The following SDHAF3 variants were observed in gnomAD, a reference collection of about 807,000 sequenced individuals.
SDHAF3 encodes the protein succinate dehydrogenase assembly factor 3, mitochondrial.
In SDHAF3, 18 loss-of-function variants were observed where a neutral mutation model predicts 11.5. The ratio of observed to expected loss-of-function variants is 1.56; its 90% CI spans 1.08 to 2.32. SDHAF3 has a LOEUF of 2.32. Among genes scored for constraint, SDHAF3 ranks in the 30% most tolerant of loss-of-function variants. The pLI is 0.00. For synonymous variants in SDHAF3, 72 were observed against 59.3 expected (o/e 1.21, Z -0.99); for missense variants, 200 against 154.4 (o/e 1.30, Z -1.57).
chr7:97,140,920 G>A (rs1398007011), intron 1 of SDHAF3, among the ~76,000 whole-genome samples: 4 of 152,212 alleles, frequency 2.6e-5, no homozygotes, highest in Admixed American at 2.0e-4. Context: ...TGAGCCGGGC[G>A]GAACAGAGCC....
intron 1 of SDHAF3, among the ~76,000 whole-genome samples, chr7:97,149,461 C>CTT (rs1393679309): frequency 6.6e-6 from 1 of 151,980 alleles, no homozygotes; most frequent in East Asian, 1.9e-4. Flanking sequence ...GGCAAAACCA[C>CTT]TGTAGTAGGA....
At chr7:97,168,875 A>G (rs1789557596) in intron 1 of SDHAF3, among the ~76,000 whole-genome samples, 1 of 152,112 alleles carries the variant, frequency 6.6e-6, no homozygotes, top group African/African-American at 2.4e-5. Flanking sequence ...TGAGTAAGCT[A>G]TCTTATTTGT....
At chr7:97,164,778 A>G (rs1046645411) in intron 1 of SDHAF3, among the ~76,000 whole-genome samples, 4 of 152,186 alleles carry the variant, frequency 2.6e-5, no homozygotes, top group African/African-American at 9.7e-5. Context: ...GGAGATTTGA[A>G]GTGAAACTGA....
At chr7:97,163,431 C>T (rs980983030) in intron 1 of SDHAF3, among the ~76,000 whole-genome samples, 37 of 152,268 alleles carry the variant, frequency 2.4e-4, no homozygotes, top group African/African-American at 1.2e-4. Flanking sequence ...TGAGCCACTG[C>T]GCCTGGCCTA....
In SDHAF3 at chr7:97,117,765, G is replaced by C; in HGVS notation, c.42G>C (p.Lys14Asn). ...RHVSRVRALY[K>N]RVLQLHRVLP... ...TTTCTCGAGTCCGGGCATTGTACAAGCGCGTCTTGCAGCTGCACCGTGTTC... is the reference window on the plus strand; with the variant it reads ...TTTCTCGAGTCCGGGCATTGTACAACCGCGTCTTGCAGCTGCACCGTGTTC... The change falls in exon 1 of 2, where the codon AAG becomes AAC. Residue 14 changes from lysine (K) to asparagine (N), a missense_variant. Physicochemically the swap from Lys to Asn is moderately conservative, Grantham distance 94. Coordinates refer to ENST00000432641, the MANE Select transcript of SDHAF3 (RefSeq NM_020186.3). The C allele has an allele frequency of 6.2e-7, 1 of 1,614,160 alleles. No individual in the cohort carries two copies.
intron 1 of SDHAF3, among the ~76,000 whole-genome samples, chr7:97,170,021 T>A (rs1454435570): frequency 6.6e-6 from 1 of 152,148 alleles, no homozygotes; most frequent in East Asian, 1.9e-4. Context: ...GTTAAACTTA[T>A]TTTCTTGCTA....
chr7:97,138,337 G>A (rs777598014), intron 1 of SDHAF3, among the ~76,000 whole-genome samples: 14 of 151,516 alleles, frequency 9.2e-5, no homozygotes, highest in Admixed American at 2.6e-4. Context: ...TTTTTTGTGC[G>A]TTTTTAGTAG....
intron 1 of SDHAF3, among the ~76,000 whole-genome samples, chr7:97,151,646 T>G (rs551906365): frequency 6.6e-6 from 1 of 151,780 alleles, no homozygotes; most frequent in African/African-American, 2.4e-5. Context: ...CTACAGGCGC[T>G]TGCCACCATG....
intron 1 of SDHAF3, among the ~76,000 whole-genome samples, chr7:97,168,911 A>G (rs1349406487): frequency 2.0e-5 from 3 of 152,182 alleles, no homozygotes; most frequent in Non-Finnish European, 4.4e-5. Context: ...GATTACAGAT[A>G]TGTAGACTCT....
intron 1 of SDHAF3, among the ~76,000 whole-genome samples, chr7:97,170,445 T>C (rs1789588126): frequency 1.3e-5 from 2 of 152,202 alleles, no homozygotes; most frequent in South Asian, 4.1e-4. Flanking sequence ...AATGCTATTA[T>C]TGTTTCTGGG....
rs369984787 is a variant in SDHAF3, at chr7:97,141,987, T to C, written c.174+24090T>C. On this transcript the variant is annotated intron_variant, in intron 1 of 1. Coordinates refer to ENST00000432641, the MANE Select transcript of SDHAF3 (RefSeq NM_020186.3). ...ATTATTTTTTGACAAAGACCAAATA[T>C]GCTAATTACCACAGCTGGATAAAAA... Among the ~76,000 whole-genome samples, 24 of 151,606 alleles carry C rather than the reference T, an allele frequency of 1.6e-4. No individual in the cohort carries two copies. The East Asian group carries it at 1.8e-3, about 11-fold the overall frequency.
intron 1 of SDHAF3, among the ~76,000 whole-genome samples, chr7:97,169,759 T>C (rs1002281089): frequency 6.6e-6 from 1 of 152,076 alleles, no homozygotes; most frequent in Non-Finnish European, 1.5e-5. Flanking sequence ...AAGAAAAAAT[T>C]ATAGTTTTGA....
intron 1 of SDHAF3, among the ~76,000 whole-genome samples, chr7:97,178,491 A>G (rs188123671): frequency 3.9e-5 from 6 of 152,268 alleles, no homozygotes; most frequent in Admixed American, 6.5e-5. Flanking sequence ...CTCATTATCA[A>G]TGTATGAGGA....
chr7:97,158,116 A>G (rs1234290559), intron 1 of SDHAF3, among the ~76,000 whole-genome samples: 1 of 102,062 alleles, frequency 9.8e-6, no homozygotes, highest in Non-Finnish European at 2.6e-5. Context: ...TGCACAGGTT[A>G]ACTTAAAGTA....
At chr7:97,169,438 CACTT>C (rs1328366166) in intron 1 of SDHAF3, among the ~76,000 whole-genome samples, 9 of 152,162 alleles carry the variant, frequency 5.9e-5, no homozygotes. Flanking sequence ...TGATGTAACT[CACTT>C]GATGTTATAA....
chr7:97,172,260 C>T (rs1190860059), intron 1 of SDHAF3, among the ~76,000 whole-genome samples: 1 of 152,086 alleles, frequency 6.6e-6, no homozygotes, highest in African/African-American at 2.4e-5. Context: ...TGACCTTGTT[C>T]TTTTTAACTA....
At chr7:97,145,903 T>G (rs1034144255) in intron 1 of SDHAF3, among the ~76,000 whole-genome samples, 2 of 152,156 alleles carry the variant, frequency 1.3e-5, no homozygotes, top group African/African-American at 4.8e-5. Context: ...TTTCCCAGTC[T>G]TGGAAGGCAG....
intron 1 of SDHAF3, chr7:97,136,501 C>CT (rs572203987): frequency 2.6e-4 from 157 of 596,432 alleles, no homozygotes; most frequent in South Asian, 6.1e-4. Flanking sequence ...TTTAGTTCCA[C>CT]TTTTTTTTAA....
At chr7:97,139,258 A>G (rs1788989890) in intron 1 of SDHAF3, among the ~76,000 whole-genome samples, 1 of 152,206 alleles carries the variant, frequency 6.6e-6, no homozygotes, top group Admixed American at 6.5e-5. Context: ...AACAGTTCTC[A>G]GTGGAGAGGG....
Sources: allele counts gnomAD v4.1 joint callset (sites outside exome capture counted in the v4.1 genomes callset), GRCh38; gene constraint gnomAD v4.1.1; transcripts MANE v1.5; gene names NCBI Gene and HGNC (gene_info 2026-07-23, HGNC 2026-07-21).